The following PCYT2 variants were observed in gnomAD, a reference collection of about 807,000 sequenced individuals.
PCYT2 encodes ethanolamine-phosphate cytidylyltransferase.
In PCYT2, 33 loss-of-function variants were observed where a neutral mutation model predicts 50.0. That is an observed-to-expected ratio of 0.66 (90% CI 0.50 to 0.88). PCYT2 has a LOEUF of 0.88. Ranked by LOEUF, PCYT2 falls within the 40% of genes least tolerant of loss-of-function variation. PCYT2 has a pLI of 0.00. For synonymous variants in PCYT2, 240 were observed against 203.7 expected (o/e 1.18, Z -1.52); for missense variants, 430 against 519.7 (o/e 0.83, Z 1.68).
Position 81,911,311 on chromosome 17 carries a change from C to T in PCYT2, c.45G>A (p.Pro15=). 2 of 1,136,560 alleles carry T rather than the reference C, an allele frequency of 1.8e-6. No individual in the cohort carries two copies. Among genetic ancestry groups the T allele is most frequent in the East Asian group, 7.9e-5 (1 of 12,590 alleles). The allele number at this position is 1,136,560 out of a possible 1,614,324, so 70.4% of individuals were successfully genotyped here. Residue 15 remains proline, a synonymous_variant, in exon 1 of 13, where the codon CCG becomes CCA. Coordinates refer to ENST00000538936, the MANE Select transcript of PCYT2 (RefSeq NM_002861.5). ...GRGAAGGAEQ[P]GPGGRRAVRV... Reference sequence around the variant, plus strand: ...TCACGGCGCGCCTGCCCCCCGGGCCCGGCTGCTCTGCGCCGCCTGCAGCCC... The same window carrying T: ...TCACGGCGCGCCTGCCCCCCGGGCCTGGCTGCTCTGCGCCGCCTGCAGCCC...
chr17:81,902,340 T>A lies in PCYT2; in HGVS notation c.*2493A>T. 1 of 1,338,464 alleles carries A rather than the reference T, an allele frequency of 7.5e-7. No homozygotes were observed. The highest frequency in any genetic ancestry group is 9.5e-7 in the Non-Finnish European group (1 of 1,053,136). 82.9% of individuals were successfully genotyped at this position (1,338,464 alleles called of 1,614,324 possible). A position where few individuals can be genotyped will look rare whatever the true frequency, so the allele number is the denominator to read the frequency against. On this transcript the variant is annotated 3_prime_UTR_variant, in exon 13 of 13. Coordinates refer to ENST00000538936, the MANE Select transcript of PCYT2 (RefSeq NM_002861.5). ...CGCTGTGCCTGCTGCTGGCGCCGCC[T>A]GGCCTCGCGTGGTACAAGCCAGCGG...
At chr17:81,907,628 G>A (rs1165778271) in intron 5 of PCYT2, 30 bp from the exon 6 acceptor site, 2 of 1,609,710 alleles carry the variant, frequency 1.2e-6, no homozygotes, top group Non-Finnish European at 1.7e-6. Flanking sequence ...AGGGCTGAGG[G>A]GCCTGCCCTC....
rs2040156878 is a variant in PCYT2, at chr17:81,904,876, T to C, written c.1127A>G (p.Gln376Arg). 3.7e-6 allele frequency: 6 copies of C among 1,612,874 alleles called. No individual in the cohort carries two copies. The Admixed American group carries it at 8.3e-5, about 22-fold the overall frequency. ...CTCCCCCAGGGGCTGTGCCGCCTGC[T>C]GCCTGGCAGCCTCCAGGAAGGCCAG... ...KELAFLEAAR[Q>R]QAAQPLGERD... The change falls in exon 13 of 13, where the codon CAG becomes CGG. Residue 376 changes from glutamine (Q) to arginine (R), a missense_variant. Gln to Arg is a conservative substitution (Grantham distance 43). Transcript: ENST00000538936.
At chr17:81,910,456 T>G (rs2040528355) in intron 1 of PCYT2, among the ~76,000 whole-genome samples, 1 of 151,872 alleles carries the variant, frequency 6.6e-6, no homozygotes, top group Admixed American at 6.6e-5. Context: ...ACATGCTGGG[T>G]AAAATCTGGC....
At chr17:81,909,128 C>T (rs1226868594) in intron 2 of PCYT2, 91 bp from the exon 3 acceptor site, 3 of 1,539,720 alleles carry the variant, frequency 1.9e-6, no homozygotes, top group South Asian at 2.5e-5. Flanking sequence ...TGTAGCCACA[C>T]AAGAGGGCCG....
In PCYT2 at chr17:81,902,552, TG is replaced by T. The variant is rs1308187231; in HGVS notation, c.*2280del. On this transcript the variant is annotated 3_prime_UTR_variant, in exon 13 of 13. Transcript: ENST00000538936. Reference sequence around the variant, plus strand: ...GTGAGTCCGGCGTGCCGGGGACTGATGGGGGGCGGCGGCAGGACGTGGGTGG... The same window carrying T: ...GTGAGTCCGGCGTGCCGGGGACTGATGGGGGCGGCGGCAGGACGTGGGTGG... The T allele has an allele frequency of 5.4e-6, 8 of 1,493,588 alleles. No homozygotes were observed. The highest frequency in any genetic ancestry group is 6.2e-6 in the Non-Finnish European group (7 of 1,127,170). 92.5% of individuals were successfully genotyped at this position (1,493,588 alleles called of 1,614,324 possible).
chr17:81,905,805 TGA>T, intron 9 of PCYT2, 70 bp from the exon 10 acceptor site: 1 of 1,502,288 alleles, frequency 6.7e-7, no homozygotes, highest in South Asian at 1.1e-5. Context: ...CACAGGGTGG[TGA>T]GAGACGGCTC....
At chr17:81,906,018 C>T (rs2040243861) in intron 9 of PCYT2, 82 bp downstream of exon 9, 1 of 1,282,068 alleles carries the variant, frequency 7.8e-7, no homozygotes, top group Non-Finnish European at 1.1e-6. Flanking sequence ...GCCCCCCTGC[C>T]CTGGCTCAGG....
rs762910554 is a variant in PCYT2 at position 81,905,653 on chromosome 17, C to T, written c.903+17G>A. 1.2e-6 allele frequency: 2 copies of T among 1,607,890 alleles called. No homozygotes were observed. The highest frequency in any genetic ancestry group is 1.7e-6 in the Non-Finnish European group (2 of 1,174,880). ...AGGTGAACAGAGGGAACGAGGTGAGCCCATGCGGAGCCTCACCTTGAAGTG... is the reference window on the plus strand; with the variant it reads ...AGGTGAACAGAGGGAACGAGGTGAGTCCATGCGGAGCCTCACCTTGAAGTG... On this transcript the variant is annotated intron_variant, in intron 10 of 12. Coordinates refer to ENST00000538936, the MANE Select transcript of PCYT2 (RefSeq NM_002861.5).
Position 81,909,309 on chromosome 17 carries a change from C to T in PCYT2, c.178+205G>A, listed in dbSNP as rs374050857. Reference sequence around the variant, plus strand: ...GCTGGCAGTGGTGGGGAGCAGGTGCCCCTTCTCTTTAGCTGGGACAGGAAA... The same window carrying T: ...GCTGGCAGTGGTGGGGAGCAGGTGCTCCTTCTCTTTAGCTGGGACAGGAAA... On this transcript the variant is annotated intron_variant, in intron 2 of 12. Transcript: ENST00000538936. The T allele has an allele frequency of 2.0e-5, 28 of 1,431,562 alleles. No individual in the cohort carries two copies. In the African/African-American group the frequency reaches 3.4e-4, roughly 18 times the overall value. The allele number at this position is 1,431,562 out of a possible 1,614,324, so 88.7% of individuals were successfully genotyped here.
Position 81,902,172 on chromosome 17 carries a change from C to CCGGCCCTCCGCAGCCT in PCYT2, c.*2645_*2660dup. ...CACCCCAGCCCGCCCGCCGCCCCTC[C>CCGGCCCTCCGCAGCCT]CGGCCCTCCGCAGCCTCGGCCCGCC... On this transcript the variant is annotated 3_prime_UTR_variant, in exon 13 of 13. Transcript: ENST00000538936. 1 of 1,096,328 alleles carries CCGGCCCTCCGCAGCCT rather than the reference C, an allele frequency of 9.1e-7. No homozygotes were observed. The highest frequency in any genetic ancestry group is 1.1e-6 in the Non-Finnish European group (1 of 876,660). The allele number at this position is 1,096,328 out of a possible 1,614,324, so 67.9% of individuals were successfully genotyped here.
chr17:81,907,411 C>T, intron 6 of PCYT2, 143 bp downstream of exon 6: 1 of 1,183,326 alleles, frequency 8.5e-7, no homozygotes, highest in Non-Finnish European at 1.2e-6. Flanking sequence ...CCAAACCTGG[C>T]AGTCAGTGCC....
intron 4 of PCYT2, among the ~76,000 whole-genome samples, chr17:81,908,291 C>G (rs1598326795): frequency 6.6e-6 from 1 of 152,238 alleles, no homozygotes; most frequent in Non-Finnish European, 1.5e-5. Context: ...AGCTCCCCAG[C>G]AGTGCCAGCC....
intron 6 of PCYT2, 174 bp downstream of exon 6, chr17:81,907,380 C>T: frequency 1.7e-6 from 2 of 1,188,268 alleles, no homozygotes; most frequent in South Asian, 1.4e-5. Flanking sequence ...CCTGCCCTCC[C>T]TCCCAGCATC....
rs1182283921 is a variant in PCYT2 at position 81,902,258 on chromosome 17, A to G, written c.*2575T>C. On this transcript the variant is annotated 3_prime_UTR_variant, in exon 13 of 13. Transcript: ENST00000538936. ...GCTCCGAGCCCGGACGCCGCCGCCC[A>G]CCAGTCAGCCGGCGTCCCCATGGCC... 4.9e-6 allele frequency: 6 copies of G among 1,236,916 alleles called. No individual in the cohort carries two copies. The African/African-American group carries it at 9.4e-5, about 19-fold the overall frequency. The allele number at this position is 1,236,916 out of a possible 1,614,324, so 76.6% of individuals were successfully genotyped here. A position where few individuals can be genotyped will look rare whatever the true frequency, so the allele number is the denominator to read the frequency against.
intron 5 of PCYT2, 69 bp from the exon 6 acceptor site, chr17:81,907,667 G>A: frequency 6.3e-7 from 1 of 1,596,912 alleles, no homozygotes; most frequent in South Asian, 1.1e-5. Context: ...AACCGGCTGG[G>A]GATGGGGAGC....
chr17:81,911,093 C>T, intron 1 of PCYT2, 174 bp downstream of exon 1: 1 of 1,002,374 alleles, frequency 1.0e-6, no homozygotes. Context: ...GGGCGCGGAG[C>T]CTCTGCAGCC....
Position 81,904,760 on chromosome 17 carries a change from G to T in PCYT2, c.*73C>A. 1 of 1,016,978 alleles carries T rather than the reference G, an allele frequency of 9.8e-7. No individual in the cohort carries two copies. Among genetic ancestry groups the T allele is most frequent in the Non-Finnish European group, 1.5e-6 (1 of 687,478 alleles). The allele number at this position is 1,016,978 out of a possible 1,614,324, so 63.0% of individuals were successfully genotyped here. On this transcript the variant is annotated 3_prime_UTR_variant, in exon 13 of 13. Coordinates refer to ENST00000538936, the MANE Select transcript of PCYT2 (RefSeq NM_002861.5). ...CAGGCCAGTTAGAGAGGGCGGCCCT[G>T]CAGAGTCCTATGTCCAAACGCAGAA...
In PCYT2 at chr17:81,905,424, C is replaced by T. The variant is rs1430668117; in HGVS notation, c.927G>A (p.Lys309=). 1.9e-6 allele frequency: 3 copies of T among 1,567,320 alleles called. No individual in the cohort carries two copies. The highest frequency in any genetic ancestry group is 2.6e-6 in the Non-Finnish European group (3 of 1,155,958). The change falls in exon 11 of 13, where the codon AAG becomes AAA. Residue 309 remains lysine, a synonymous_variant. Coordinates refer to ENST00000538936, the MANE Select transcript of PCYT2 (RefSeq NM_002861.5). ...HFKVDLVCHG[K]TEIIPDRDGS... is the part of the protein sequence containing the mutation. ...CATCCCTGTCAGGGATAATTTCTGT[C>T]TTGCCGTGACACACCAGGTCCACCT...
Sources: gnomAD v4.1 joint callset for allele counts (sites outside exome capture counted in the v4.1 genomes callset) on GRCh38, gnomAD v4.1.1 for gene constraint, MANE v1.5 for transcripts, NCBI Gene and HGNC (gene_info 2026-07-23, HGNC 2026-07-21) for gene names.